ASTN2: variants seen among roughly 807,000 people sequenced by gnomAD.
The protein encoded by ASTN2 is astrotactin 2, also known as astrotactin-2.
ASTN2 carries 54 observed loss-of-function variants against 139.8 expected under a neutral mutation model. That is an observed-to-expected ratio of 0.39 (90% CI 0.31 to 0.48). ASTN2 has a LOEUF of 0.48. ASTN2 is among the 20% of genes least tolerant of loss of function. ASTN2 has a pLI of 0.95. For missense variants in ASTN2, 1,565 were observed against 1,725.1 expected (o/e 0.91, Z 1.64); for synonymous variants, 756 against 719.5 (o/e 1.05, Z -0.81).
intron 1 of ASTN2, among the ~76,000 whole-genome samples, chr9:117,338,743 T>G (rs1436279522): frequency 1.3e-5 from 2 of 151,930 alleles, no homozygotes; most frequent in Non-Finnish European, 2.9e-5. Context: ...ATTTTTTTTT[T>G]TGCCATTATC....
chr9:116,928,149 C>T (rs1476686166), intron 10 of ASTN2, among the ~76,000 whole-genome samples: 1 of 152,178 alleles, frequency 6.6e-6, no homozygotes, highest in Non-Finnish European at 1.5e-5. Context: ...ATACCTACTA[C>T]CTGGCAGATG....
intron 1 of ASTN2, among the ~76,000 whole-genome samples, chr9:117,373,036 G>A (rs1359949879): frequency 1.3e-5 from 2 of 152,104 alleles, no homozygotes; most frequent in Non-Finnish European, 1.5e-5. Flanking sequence ...TCCCTGATTT[G>A]CCACCTGAAA....
chr9:116,618,289 T>C (rs1855952361), intron 19 of ASTN2, 35 bp downstream of exon 19: 1 of 1,594,032 alleles, frequency 6.3e-7, no homozygotes, highest in Admixed American at 1.7e-5. Flanking sequence ...TCTTCTGTCA[T>C]ACTATCCCAA....
intron 18 of ASTN2, among the ~76,000 whole-genome samples, chr9:116,618,698 G>A (rs1564158669): frequency 6.6e-6 from 1 of 152,162 alleles, no homozygotes; most frequent in East Asian, 1.9e-4. Flanking sequence ...CAAGATCAAA[G>A]TAGAATTTCA....
chr9:117,175,347 A>G (rs1830891305), intron 3 of ASTN2, among the ~76,000 whole-genome samples: 2 of 152,166 alleles, frequency 1.3e-5, no homozygotes, highest in South Asian at 4.1e-4. Flanking sequence ...CATGGATGAG[A>G]AGTCTAAGTT....
At chr9:117,267,234 T>A (rs1564116227) in intron 2 of ASTN2, among the ~76,000 whole-genome samples, 2 of 152,194 alleles carry the variant, frequency 1.3e-5, no homozygotes, top group Non-Finnish European at 2.9e-5. Context: ...TGTCATGATA[T>A]TAAACAAAGA....
At chr9:116,600,337 A>G (rs185822322) in intron 19 of ASTN2, among the ~76,000 whole-genome samples, 1 of 49,336 alleles carries the variant, frequency 2.0e-5, no homozygotes, top group South Asian at 1.5e-3. Context: ...AAAAAAAAAA[A>G]AAAAAAAAAA....
Position 116,678,515 on chromosome 9 carries a change from G to A in ASTN2, c.2807-26722C>T, listed in dbSNP as rs762512161. Reference sequence around the variant, plus strand: ...AGATTATAAGAAGGCATGGAGATACGGCTTTTGTTAAAAGGAATGTAATTT... The same window carrying A: ...AGATTATAAGAAGGCATGGAGATACAGCTTTTGTTAAAAGGAATGTAATTT... On this transcript the variant is annotated intron_variant, in intron 16 of 22. Transcript: ENST00000313400. 4.5e-4 allele frequency among the ~76,000 whole-genome samples: 69 copies of A among 152,048 alleles called. 1 individual carries two copies. Among genetic ancestry groups the A allele is most frequent in the Non-Finnish European group, 5.9e-5 (4 of 68,002 alleles).
At chr9:117,203,701 C>G (rs565604744) in intron 3 of ASTN2, among the ~76,000 whole-genome samples, 2 of 152,282 alleles carry the variant, frequency 1.3e-5, no homozygotes, top group South Asian at 4.1e-4. Flanking sequence ...CTCAAGGAGT[C>G]TGGAGAGCAG....
At chr9:116,511,712 T>A (rs1850390622) in intron 19 of ASTN2, among the ~76,000 whole-genome samples, 1 of 152,178 alleles carries the variant, frequency 6.6e-6, no homozygotes, top group South Asian at 2.1e-4. Flanking sequence ...AGATTCAACT[T>A]CTTCCTGGTT....
intron 10 of ASTN2, among the ~76,000 whole-genome samples, chr9:116,925,110 C>A (rs1834717428): frequency 6.6e-6 from 1 of 152,062 alleles, no homozygotes; most frequent in African/African-American, 2.4e-5. Context: ...GTCTCATATA[C>A]CCATATTTGC....
chr9:117,356,780 T>C (rs1829550532), intron 1 of ASTN2, among the ~76,000 whole-genome samples: 2 of 152,160 alleles, frequency 1.3e-5, no homozygotes, highest in African/African-American at 4.8e-5. Context: ...GAATTGAGTA[T>C]GGGCCAAGTG....
chr9:116,613,561 G>C (rs539360068), intron 19 of ASTN2: 1 of 155,424 alleles, frequency 6.4e-6, no homozygotes, highest in Non-Finnish European at 1.4e-5. Flanking sequence ...GGGATGCAAG[G>C]CTGGTTCAAT....
intron 1 of ASTN2, among the ~76,000 whole-genome samples, chr9:117,409,193 G>GA (rs923917385): frequency 6.6e-6 from 1 of 151,670 alleles, no homozygotes; most frequent in African/African-American, 2.4e-5. Context: ...TCACACATAA[G>GA]AAAAAAAAGT....
chr9:116,953,216 A>G (rs1835613740), intron 10 of ASTN2, among the ~76,000 whole-genome samples: 2 of 152,232 alleles, frequency 1.3e-5, no homozygotes, highest in African/African-American at 4.8e-5. Context: ...AGGTGTAATT[A>G]TCACATTTTA....
chr9:116,891,655 A>C (rs1833764397), intron 10 of ASTN2, among the ~76,000 whole-genome samples: 1 of 152,214 alleles, frequency 6.6e-6, no homozygotes, highest in Non-Finnish European at 1.5e-5. Context: ...CACTTGATGA[A>C]CTTAACATTT....
At position 116,698,422 on chromosome 9, in the gene ASTN2, T is replaced by G; in HGVS notation, c.2806+27349A>C. 1 of 1,614,112 alleles carries G rather than the reference T, an allele frequency of 6.2e-7. No homozygotes were observed. Among genetic ancestry groups the G allele is most frequent in the Non-Finnish European group, 8.5e-7 (1 of 1,180,026 alleles). On this transcript the variant is annotated intron_variant, in intron 16 of 22. Transcript: ENST00000313400. The surrounding 1 kb of genome is among the most constrained non-coding windows in gnomAD (Gnocchi z 4.4). ...CAAGTGGTAGAGGAGCAGAGTTACC[T>G]GCTTAACATTGCAGAGGTGCAGGCT... is the stretch of plus-strand genomic sequence containing the variant.
At chr9:117,005,641 G>T (rs1837332836) in intron 7 of ASTN2, among the ~76,000 whole-genome samples, 2 of 152,018 alleles carry the variant, frequency 1.3e-5, no homozygotes, top group African/African-American at 4.8e-5. Context: ...CTAGCAGATG[G>T]GCTTCCTGCT....
chr9:116,975,560 GCTAAGTTCCTTTTCCTGATTTA>G (rs1199840658), intron 9 of ASTN2, among the ~76,000 whole-genome samples: 1 of 152,154 alleles, frequency 6.6e-6, no homozygotes, highest in East Asian at 1.9e-4. Flanking sequence ...GCTTTGTGTT[GCTAAGTTCCTTTTCCTGATTTA>G]CTAGTGGACT....
Sources: gnomAD v4.1 joint callset for allele counts (sites outside exome capture counted in the v4.1 genomes callset) on GRCh38, gnomAD v4.1.1 for gene constraint, Gnocchi (gnomAD v3.1) non-coding constraint, MANE v1.5 for transcripts, NCBI Gene and HGNC (gene_info 2026-07-23, HGNC 2026-07-21) for gene names.